The following LITAF variants were observed in gnomAD, a reference collection of about 807,000 sequenced individuals.
The protein encoded by LITAF is lipopolysaccharide induced TNF factor.
Under a neutral mutation model 14.5 loss-of-function variants are expected in LITAF, and 9 were observed. The observed-to-expected ratio is 0.62, with a 90% CI of 0.37 to 1.08. The LOEUF is 1.08. LITAF is among the 50% of genes least tolerant of loss of function. The pLI, the probability that LITAF is intolerant of heterozygous loss-of-function variation, is 0.01. For missense variants in LITAF, 206 were observed against 213.4 expected, an observed-to-expected ratio of 0.97 and a Z score of 0.22; for synonymous variants, 98 against 88.2, an observed-to-expected ratio of 1.11 and a Z score of -0.62.
chr16:11,624,456 T>C (rs112838092), intron 3 of LITAF, among the ~76,000 whole-genome samples: 10,722 of 152,152 alleles, frequency 0.07, 683 homozygotes, highest in African/African-American at 0.17. Context: ...AGAATAGAAA[T>C]GGAAATAGGT....
chr16:11,616,911 CAAAA>C (rs766801773), intron 3 of LITAF, among the ~76,000 whole-genome samples: 1 of 83,082 alleles, frequency 1.2e-5, no homozygotes, highest in Non-Finnish European at 2.4e-5. Flanking sequence ...GACTCTATCT[CAAAA>C]AAAAAAAAAA....
intron 1 of LITAF, chr16:11,575,326 G>A (rs1382016947): frequency 6.6e-6 from 1 of 152,196 alleles, no homozygotes; most frequent in Non-Finnish European, 1.5e-5. Flanking sequence ...ACGGTTCCTA[G>A]GAGCGAGTGG....
chr16:11,581,493 C>A (rs1175084699), intron 1 of LITAF, among the ~76,000 whole-genome samples: 3 of 152,058 alleles, frequency 2.0e-5, no homozygotes, highest in South Asian at 2.1e-4. Context: ...CAACAAAAAA[C>A]CACTAAAATT....
At chr16:11,562,132 G>T (rs1465270107) in intron 1 of LITAF, among the ~76,000 whole-genome samples, 2 of 151,436 alleles carry the variant, frequency 1.3e-5, no homozygotes, top group Admixed American at 1.3e-4. Context: ...AGCTGCCCAG[G>T]ATGGTCATAA....
At chr16:11,601,665 G>A (rs2064927024), upstream of LITAF, among the ~76,000 whole-genome samples, 1 of 152,114 alleles carries the variant, frequency 6.6e-6, no homozygotes, top group Non-Finnish European at 1.5e-5. Context: ...CACTTCCTGG[G>A]CTCAATCAAT....
intron 1 of LITAF, among the ~76,000 whole-genome samples, chr16:11,572,130 C>T (rs1447975777): frequency 6.6e-6 from 1 of 151,940 alleles, no homozygotes; most frequent in Admixed American, 6.6e-5. Context: ...ATAAACAGAT[C>T]AAAACAAAAT....
chr16:11,551,442 C>A (rs1283927256), intron 3 of LITAF, among the ~76,000 whole-genome samples: 1 of 152,140 alleles, frequency 6.6e-6, no homozygotes, highest in Non-Finnish European at 1.5e-5. Context: ...TAGTGAGAGG[C>A]AGGATTTGAA....
intron 1 of LITAF, among the ~76,000 whole-genome samples, chr16:11,570,731 G>C (rs747386022): frequency 2.0e-5 from 3 of 152,070 alleles, no homozygotes; most frequent in Non-Finnish European, 2.9e-5. Flanking sequence ...TGGCCACATA[G>C]AGAGACCTCA....
intron 1 of LITAF, chr16:11,598,287 CT>C (rs35125387): frequency 1.2e-3 from 173 of 139,672 alleles, no homozygotes; most frequent in Non-Finnish European, 1.5e-3. Flanking sequence ...GGGCCTGAGC[CT>C]TTTTTTTTTT....
rs1226782228 is a variant in LITAF, at chr16:11,549,531, T to A, written c.*106A>T. The A allele has an allele frequency of 1.2e-6, 1 of 815,732 alleles. No homozygotes were observed. The highest frequency in any genetic ancestry group is 2.1e-6 in the Non-Finnish European group (1 of 479,408). The allele number at this position is 815,732 out of a possible 1,614,324, so 50.5% of individuals were successfully genotyped here. On this transcript the variant is annotated 3_prime_UTR_variant, in exon 4 of 4. Coordinates refer to ENST00000622633, the MANE Select transcript of LITAF (RefSeq NM_001136472.2). The surrounding 1 kb of genome is among the most constrained non-coding windows in gnomAD (Gnocchi z 4.6). ...AAAGAAGACATGAAGGTGGGCCCCCTGGAGAGGTGAGACCACCAGGGCAGA... is the reference window on the plus strand; with the variant it reads ...AAAGAAGACATGAAGGTGGGCCCCCAGGAGAGGTGAGACCACCAGGGCAGA...
In LITAF at chr16:11,605,561, AG is replaced by A. The variant is rs1215718538; in HGVS notation, c.85+27971del. 6.6e-6 allele frequency among the ~76,000 whole-genome samples: 1 copy of A among 152,150 alleles called. No individual in the cohort carries two copies. Among genetic ancestry groups the A allele is most frequent in the Non-Finnish European group, 1.5e-5 (1 of 68,020 alleles). On this transcript the variant is annotated intron_variant, in intron 3 of 3. Coordinates refer to the LITAF transcript ENST00000574848. This position sits in a 1 kb window ranked among gnomAD's most constrained non-coding sequence, Gnocchi z 4.7. Reference sequence around the variant, plus strand: ...AAGGGAAGAAAAGGAGAAAGAAGGGAGGGAAAAAGAGAAATGAAAAGAAAAA... The same window carrying A: ...AAGGGAAGAAAAGGAGAAAGAAGGGAGGAAAAAGAGAAATGAAAAGAAAAA...
chr16:11,587,812 T>C (rs1179431123), upstream of LITAF, among the ~76,000 whole-genome samples: 2 of 152,086 alleles, frequency 1.3e-5, no homozygotes, highest in Non-Finnish European at 2.9e-5. Context: ...TAGAGGGAAT[T>C]AAGAAGCATG....
upstream of LITAF, among the ~76,000 whole-genome samples, chr16:11,640,234 G>C (rs1302643024): frequency 1.3e-5 from 2 of 152,184 alleles, no homozygotes; most frequent in Non-Finnish European, 2.9e-5. Flanking sequence ...CATGTTCGTG[G>C]AGCGACTGAG....
At chr16:11,628,017 A>AC (rs2065094520) in intron 3 of LITAF, among the ~76,000 whole-genome samples, 1 of 150,460 alleles carries the variant, frequency 6.6e-6, no homozygotes, top group African/African-American at 2.5e-5. Context: ...GTCAAAAAAA[A>AC]AAAAAAAAAA....
At chr16:11,624,269 C>A (rs1416113294) in intron 3 of LITAF, among the ~76,000 whole-genome samples, 3 of 152,198 alleles carry the variant, frequency 2.0e-5, no homozygotes, top group African/African-American at 7.2e-5. Flanking sequence ...CCCCAACCAA[C>A]TAAACATTTT....
At chr16:11,617,375 A>G (rs920962793) in intron 3 of LITAF, among the ~76,000 whole-genome samples, 2 of 150,736 alleles carry the variant, frequency 1.3e-5, no homozygotes, top group Admixed American at 1.3e-4. Context: ...TGTCTTATCA[A>G]GTTCTGAAAG....
chr16:11,563,087 C>T (rs1001513454), intron 1 of LITAF, among the ~76,000 whole-genome samples: 2 of 151,804 alleles, frequency 1.3e-5, no homozygotes, highest in Non-Finnish European at 2.9e-5. Flanking sequence ...TGTGATCACA[C>T]CACTGCACTC....
chr16:11,619,965 G>A (rs1007543750), intron 3 of LITAF, among the ~76,000 whole-genome samples: 2 of 151,746 alleles, frequency 1.3e-5, no homozygotes, highest in South Asian at 2.1e-4. Context: ...GTCAGGAGTT[G>A]GAGACCAGCC....
chr16:11,609,892 C>T (rs1429349087), intron 3 of LITAF, among the ~76,000 whole-genome samples: 2 of 152,218 alleles, frequency 1.3e-5, no homozygotes, highest in African/African-American at 2.4e-5. Context: ...TTTTCACTGT[C>T]GTCCAAGGCC....
Sources: gnomAD v4.1 joint callset for allele counts (sites outside exome capture counted in the v4.1 genomes callset) on GRCh38, gnomAD v4.1.1 for gene constraint, Gnocchi (gnomAD v3.1) non-coding constraint, MANE v1.5 for transcripts, NCBI Gene and HGNC (gene_info 2026-07-23, HGNC 2026-07-21) for gene names.